PITPNC1: variants seen among roughly 807,000 people sequenced by gnomAD.
PITPNC1 encodes the protein phosphatidylinositol transfer protein cytoplasmic 1.
In PITPNC1, 18 loss-of-function variants were observed where a neutral mutation model predicts 44.7. That is an observed-to-expected ratio of 0.40 (90% CI 0.28 to 0.60). PITPNC1 has a LOEUF of 0.60. Ranked by LOEUF, PITPNC1 falls within the 20% of genes least tolerant of loss-of-function variation. The pLI is 0.39. For missense variants in PITPNC1, 290 were observed against 418.4 expected (o/e 0.69, Z 2.68); for synonymous variants, 141 against 149.6 (o/e 0.94, Z 0.42).
intron 1 of PITPNC1, among the ~76,000 whole-genome samples, chr17:67,445,601 C>A (rs2039082978): frequency 6.6e-6 from 1 of 152,036 alleles, no homozygotes. Context: ...TTTAAAGAAA[C>A]TGTTACCTGC....
intron 6 of PITPNC1, among the ~76,000 whole-genome samples, chr17:67,637,145 G>A (rs2042042983): frequency 1.3e-5 from 2 of 152,226 alleles, no homozygotes; most frequent in Admixed American, 1.3e-4. Context: ...TGCTTAGCAG[G>A]CGCTCACTCA....
chr17:67,481,899 G>T (rs1464649348), intron 1 of PITPNC1, among the ~76,000 whole-genome samples: 1 of 152,204 alleles, frequency 6.6e-6, no homozygotes. Flanking sequence ...AGAGTGTTCA[G>T]ATAAGTGCAG....
intron 6 of PITPNC1, among the ~76,000 whole-genome samples, chr17:67,647,079 A>G (rs1046547326): frequency 2.0e-5 from 3 of 152,156 alleles, no homozygotes; most frequent in Non-Finnish European, 2.9e-5. Flanking sequence ...CAGTGACTAA[A>G]TGATCTTAGG....
intron 5 of PITPNC1, among the ~76,000 whole-genome samples, chr17:67,610,413 G>A (rs2144291984): frequency 1.3e-5 from 2 of 152,306 alleles, no homozygotes; most frequent in Middle Eastern, 6.8e-3. Flanking sequence ...AATTACATTG[G>A]AAATTGTTTT....
In PITPNC1 at chr17:67,693,038, G is replaced by C. The variant is rs946454739; in HGVS notation, c.*150G>C. 17 of 606,544 alleles carry C rather than the reference G, an allele frequency of 2.8e-5. No individual in the cohort carries two copies. The East Asian group carries it at 3.6e-4, about 13-fold the overall frequency. 37.6% of individuals were successfully genotyped at this position (606,544 alleles called of 1,614,324 possible). On this transcript the variant is annotated 3_prime_UTR_variant, in exon 9 of 9. Coordinates refer to ENST00000581322, the MANE Select transcript of PITPNC1 (RefSeq NM_012417.4). ...GCATGTGACTCAGTAACTTCACATA[G>C]AATATGATTCCCTAAGTATGCTACA...
intron 1 of PITPNC1, among the ~76,000 whole-genome samples, chr17:67,489,019 C>T (rs1007869970): frequency 1.3e-5 from 2 of 152,128 alleles, no homozygotes; most frequent in Non-Finnish European, 2.9e-5. Flanking sequence ...GGGTTGTTTC[C>T]ACCTTTTGAC....
In PITPNC1 at chr17:67,392,211, C is replaced by T. The variant is rs144683280; in HGVS notation, c.48+14009C>T. ...TTTAGTTGAAAACTTAAAATTCTTC[C>T]GGTGGAGGTAAGCAAATTGGAAGGT... On this transcript the variant is annotated intron_variant, in intron 1 of 8. Transcript: ENST00000581322. 5.5e-3 allele frequency among the ~76,000 whole-genome samples: 839 copies of T among 152,182 alleles called. 10 individuals carry two copies. The highest frequency in any genetic ancestry group is 8.3e-3 in the Non-Finnish European group (565 of 68,010).
intron 6 of PITPNC1, among the ~76,000 whole-genome samples, chr17:67,665,843 T>A (rs1164246581): frequency 1.1e-5 from 1 of 92,508 alleles, no homozygotes; most frequent in Non-Finnish European, 2.0e-5. Context: ...GACACTGAAG[T>A]ACTTTTTTTT....
Position 67,433,902 on chromosome 17 carries a change from C to T in PITPNC1, c.48+55700C>T, listed in dbSNP as rs571503252. 2.0e-5 allele frequency among the ~76,000 whole-genome samples: 3 copies of T among 151,760 alleles called. No individual in the cohort carries two copies. In the South Asian group the frequency reaches 6.3e-4, roughly 32 times the overall value. ...GGGTGACATAGCGAGACTCTGTCTC[C>T]TCCTCCCCATAATAATAATAATAAT... On this transcript the variant is annotated intron_variant, in intron 1 of 8. Transcript: ENST00000581322.
intron 4 of PITPNC1, among the ~76,000 whole-genome samples, chr17:67,576,457 C>T (rs2041151471): frequency 6.6e-6 from 1 of 152,154 alleles, no homozygotes; most frequent in African/African-American, 2.4e-5. Flanking sequence ...TATGTGAGTA[C>T]TGGAATCATG....
At chr17:67,559,953 C>T (rs894553409) in intron 4 of PITPNC1, among the ~76,000 whole-genome samples, 4 of 152,120 alleles carry the variant, frequency 2.6e-5, no homozygotes, top group East Asian at 3.9e-4. Flanking sequence ...AGAGCCAGAA[C>T]GACCAAGCTC....
At chr17:67,379,814 C>T (rs1240026883) in intron 1 of PITPNC1, among the ~76,000 whole-genome samples, 1 of 152,080 alleles carries the variant, frequency 6.6e-6, no homozygotes, top group African/African-American at 2.4e-5. Context: ...ATTCTAGGAG[C>T]AATGTTGGGA....
At chr17:67,673,837 G>C (rs1226877649) in intron 7 of PITPNC1, among the ~76,000 whole-genome samples, 2 of 151,258 alleles carry the variant, frequency 1.3e-5, no homozygotes, top group Non-Finnish European at 2.9e-5. Context: ...TGTAATCCCA[G>C]CTACTCAGGA....
At chr17:67,634,469 T>C (rs1386394138) in intron 6 of PITPNC1, among the ~76,000 whole-genome samples, 2 of 151,848 alleles carry the variant, frequency 1.3e-5, no homozygotes, top group Non-Finnish European at 2.9e-5. Flanking sequence ...CGCATGAGAA[T>C]CGCTTGAACC....
chr17:67,524,396 G>A (rs1019185761), intron 1 of PITPNC1: 1 of 151,798 alleles, frequency 6.6e-6, no homozygotes, highest in Admixed American at 6.6e-5. Flanking sequence ...AATGAGCTAC[G>A]GTCATACCTC....
At chr17:67,442,204 C>CATATGTATAT (rs2039021633) in intron 1 of PITPNC1, among the ~76,000 whole-genome samples, 9 of 54,246 alleles carry the variant, frequency 1.7e-4, no homozygotes, top group African/African-American at 4.5e-4. Flanking sequence ...GGAAAATAAG[C>CATATGTATAT]ATATATATAT....
At chr17:67,647,464 GTTTTTTTTTT>G (rs60407940) in intron 6 of PITPNC1, among the ~76,000 whole-genome samples, 10 of 72,326 alleles carry the variant, frequency 1.4e-4, no homozygotes, top group East Asian at 5.7e-4. Context: ...CTAATTTTGG[GTTTTTTTTTT>G]TTTTTTTTTT....
rs930873209 is a variant in PITPNC1 at position 67,695,521 on chromosome 17, G to C, written c.*2633G>C. 2 of 151,100 alleles carry C rather than the reference G, an allele frequency of 1.3e-5. No individual in the cohort carries two copies. Among genetic ancestry groups the C allele is most frequent in the African/African-American group, 4.9e-5 (2 of 41,146 alleles). The allele number at this position is 151,100 out of a possible 1,614,324, so 9.4% of individuals were successfully genotyped here. A position where few individuals can be genotyped will look rare whatever the true frequency, so the allele number is the denominator to read the frequency against. Reference sequence around the variant, plus strand: ...AACTTGAATTTGCTAAGCATGTTTGGGGGGAAATAGAATCCTTAACTCAGT... The same window carrying C: ...AACTTGAATTTGCTAAGCATGTTTGCGGGGAAATAGAATCCTTAACTCAGT... On this transcript the variant is annotated 3_prime_UTR_variant, in exon 9 of 9. Coordinates refer to ENST00000581322, the MANE Select transcript of PITPNC1 (RefSeq NM_012417.4).
intron 1 of PITPNC1, among the ~76,000 whole-genome samples, chr17:67,384,484 G>A (rs2038011211): frequency 6.6e-6 from 1 of 150,874 alleles, no homozygotes; most frequent in African/African-American, 2.4e-5. Context: ...AGAGTGCAGT[G>A]GCGCGATCTC....
Sources: gnomAD v4.1 joint callset for allele counts (sites outside exome capture counted in the v4.1 genomes callset) on GRCh38, gnomAD v4.1.1 for gene constraint, MANE v1.5 for transcripts, NCBI Gene and HGNC (gene_info 2026-07-23, HGNC 2026-07-21) for gene names.